DHRS4L2: variants seen among roughly 807,000 people sequenced by gnomAD.
DHRS4L2 encodes dehydrogenase/reductase SDR family member 4-like 2.
In DHRS4L2, 22 loss-of-function variants were observed where a neutral mutation model predicts 23.9. The observed-to-expected ratio is 0.92, with a 90% CI of 0.66 to 1.31. The LOEUF (loss-of-function observed/expected upper bound fraction) is 1.31, where lower values mean the gene tolerates loss of function less well. DHRS4L2 is among the 40% of genes most tolerant of loss of function. The pLI, the probability that DHRS4L2 is intolerant of heterozygous loss-of-function variation, is 0.00. For missense variants in DHRS4L2, 385 were observed against 303.3 expected, an observed-to-expected ratio of 1.27 and a Z score of -2.00; for synonymous variants, 141 against 123.7, an observed-to-expected ratio of 1.14 and a Z score of -0.93.
intron 3 of DHRS4L2, among the ~76,000 whole-genome samples, chr14:23,999,468 A>G (rs571091986): frequency 6.4e-4 from 96 of 150,514 alleles, no homozygotes; most frequent in African/African-American, 2.1e-3. Context: ...ATCCAAACAT[A>G]ATGGCTGATC....
chr14:24,001,469 G>C lies in DHRS4L2; in HGVS notation c.617G>C (p.Arg206Thr), dbSNP rs760857123. ...LAIELAPRNI[R>T]VNCLHLDLSR... ...ATAGAGCTGGCCCCAAGGAACATTA[G>C]GGTGAACTGCCTGCACCTGGACTTA... Residue 206 changes from arginine to threonine, a missense_variant, in exon 6 of 8, where the codon AGG becomes ACG. Coordinates refer to ENST00000335125, the MANE Select transcript of DHRS4L2 (RefSeq NM_198083.4). The C allele has an allele frequency of 6.2e-7, 1 of 1,604,964 alleles. No homozygotes were observed. The highest frequency in any genetic ancestry group is 8.5e-7 in the Non-Finnish European group (1 of 1,178,698).
chr14:24,001,167 G>T (rs908853988), intron 5 of DHRS4L2, 83 bp downstream of exon 5: 5 of 1,607,468 alleles, frequency 3.1e-6, no homozygotes, highest in Non-Finnish European at 4.2e-6. Flanking sequence ...AGAAGTTTGT[G>T]TCCCCTTGTA....
chr14:23,975,880 G>T (rs1371201220), intron 1 of DHRS4L2, among the ~76,000 whole-genome samples: 4 of 151,656 alleles, frequency 2.6e-5, no homozygotes, highest in Admixed American at 1.3e-4. Context: ...TTAATAAATG[G>T]TGCTGGGAAA....
chr14:23,970,103 A>C (rs2033819072), exon 1 of DHRS4L2: 1 of 455,936 alleles, frequency 2.2e-6, no homozygotes, highest in Admixed American at 2.4e-5. Flanking sequence ...CAGGGTGGCC[A>C]AGCCCACCGT....
chr14:23,986,224 T>A (rs1457331239), upstream of DHRS4L2, among the ~76,000 whole-genome samples: 1 of 151,176 alleles, frequency 6.6e-6, no homozygotes, highest in Non-Finnish European at 1.5e-5. Context: ...TTCCCATACT[T>A]CTTGACTTCC....
At chr14:23,976,372 C>T (rs759076229) in intron 1 of DHRS4L2, among the ~76,000 whole-genome samples, 7 of 151,894 alleles carry the variant, frequency 4.6e-5, no homozygotes, top group African/African-American at 7.3e-5. Flanking sequence ...CATCACTGGT[C>T]ATCAGAGAAA....
chr14:23,992,829 G>C (rs1247347863), intron 2 of DHRS4L2, among the ~76,000 whole-genome samples: 5 of 146,628 alleles, frequency 3.4e-5, no homozygotes, highest in Non-Finnish European at 7.5e-5. Context: ...AAAACTATAG[G>C]CATGCACCAC....
chr14:23,987,872 C>T (rs920538718), upstream of DHRS4L2, among the ~76,000 whole-genome samples: 9 of 150,426 alleles, frequency 6.0e-5, no homozygotes, highest in African/African-American at 1.2e-4. Flanking sequence ...GGGTCTGTTG[C>T]GGCCTTTCTA....
At chr14:23,999,368 A>AAAAC (rs1288234760) in intron 3 of DHRS4L2, among the ~76,000 whole-genome samples, 8 of 103,960 alleles carry the variant, frequency 7.7e-5, no homozygotes, top group African/African-American at 2.8e-4. Context: ...AAAAAAAAAA[A>AAAAC]AAAAAACAAT....
At chr14:23,997,803 C>T (rs2034410934) in intron 3 of DHRS4L2, among the ~76,000 whole-genome samples, 1 of 151,702 alleles carries the variant, frequency 6.6e-6, no homozygotes, top group Non-Finnish European at 1.5e-5. Context: ...TTGGAATCAA[C>T]TTCTTCCAGA....
intron 1 of DHRS4L2, among the ~76,000 whole-genome samples, chr14:23,970,631 G>A (rs745490864): frequency 3.9e-5 from 6 of 152,040 alleles, no homozygotes; most frequent in Admixed American, 6.5e-5. Context: ...CTCCCAGCAC[G>A]GAGTTCGTGC....
intron 3 of DHRS4L2, 82 bp downstream of exon 3, chr14:23,995,215 T>C (rs971082673): frequency 1.3e-6 from 2 of 1,497,980 alleles, no homozygotes; most frequent in African/African-American, 2.8e-5. Flanking sequence ...AATGCATTTC[T>C]CAAGGGCAGT....
intron 1 of DHRS4L2, among the ~76,000 whole-genome samples, chr14:23,981,104 C>T (rs1395413958): frequency 6.6e-6 from 1 of 151,788 alleles, no homozygotes; most frequent in African/African-American, 2.4e-5. Context: ...GCAACTTCAG[C>T]AAAGTCTCAG....
chr14:23,975,528 G>A (rs1449184420), intron 1 of DHRS4L2, among the ~76,000 whole-genome samples: 1 of 151,726 alleles, frequency 6.6e-6, no homozygotes, highest in African/African-American at 2.4e-5. Context: ...TAGACTCAAT[G>A]CTATCCCCAT....
chr14:23,997,459 C>A (rs1315947392), intron 3 of DHRS4L2, among the ~76,000 whole-genome samples: 6 of 111,316 alleles, frequency 5.4e-5, no homozygotes, highest in Non-Finnish European at 1.0e-4. Context: ...TGTTTGATAG[C>A]ATTTACCCAC....
intron 3 of DHRS4L2, among the ~76,000 whole-genome samples, chr14:23,998,159 C>T (rs202123352): frequency 0.086 from 7,540 of 87,962 alleles, 5 homozygotes; most frequent in African/African-American, 0.18. Context: ...GAGCAGTAGC[C>T]ATCAACGGTG....
In DHRS4L2 at chr14:24,005,837, G is replaced by T. The variant is rs767010594; in HGVS notation, c.*23-49G>T. The T allele has an allele frequency of 4.4e-6, 7 of 1,606,034 alleles. No homozygotes were observed. The Admixed American group carries it at 1.0e-4, about 23-fold the overall frequency. On this transcript the variant is annotated intron_variant, in intron 7 of 7. Coordinates refer to ENST00000335125, the MANE Select transcript of DHRS4L2 (RefSeq NM_198083.4). ...ACTCCCCGTGTCCCAGGTGAGGGAG[G>T]CAGACCCGTTTGATTTTTACCTCCT...
At chr14:23,996,146 A>G (rs1319364437) in intron 3 of DHRS4L2, among the ~76,000 whole-genome samples, 1 of 151,696 alleles carries the variant, frequency 6.6e-6, no homozygotes, top group Non-Finnish European at 1.5e-5. Flanking sequence ...GTGAGAACTC[A>G]CTCATTGCCA....
intron 6 of DHRS4L2, among the ~76,000 whole-genome samples, 187 bp from the exon 7 acceptor site, chr14:24,004,150 A>C (rs1280637739): frequency 6.8e-6 from 1 of 146,546 alleles, no homozygotes; most frequent in African/African-American, 2.6e-5. Context: ...GGCGCCTGTA[A>C]TCCCAGCTAC....
Sources: gnomAD v4.1 joint callset for allele counts (sites outside exome capture counted in the v4.1 genomes callset) on GRCh38, gnomAD v4.1.1 for gene constraint, MANE v1.5 for transcripts, NCBI Gene and HGNC (gene_info 2026-07-23, HGNC 2026-07-21) for gene names.